The following TCF7L1 variants were observed in gnomAD, a reference collection of about 807,000 sequenced individuals.
The protein encoded by TCF7L1 is transcription factor 7-like 1.
TCF7L1 carries 18 observed loss-of-function variants against 63.7 expected under a neutral mutation model. The ratio of observed to expected loss-of-function variants is 0.28; its 90% confidence interval spans 0.20 to 0.42. The LOEUF is 0.42. Ranked by LOEUF, TCF7L1 falls within the 10% of genes least tolerant of loss-of-function variation. The pLI is 1.00. For synonymous variants in TCF7L1, 355 were observed against 340.9 expected, an observed-to-expected ratio of 1.04 and a Z score of -0.46; for missense variants, 654 against 779.3, an observed-to-expected ratio of 0.84 and a Z score of 1.91.
At chr2:85,228,067 A>T (rs982623561) in intron 3 of TCF7L1, among the ~76,000 whole-genome samples, 7 of 151,792 alleles carry the variant, frequency 4.6e-5, no homozygotes, top group Admixed American at 1.3e-4. Flanking sequence ...TCCATTCAAC[A>T]TTTAATCCTT....
chr2:85,183,175 A>G (rs1678843781), intron 3 of TCF7L1, among the ~76,000 whole-genome samples: 1 of 152,204 alleles, frequency 6.6e-6, no homozygotes, highest in African/African-American at 2.4e-5. Flanking sequence ...TTAACCTGGT[A>G]TCTGCCTGAA....
chr2:85,185,763 G>A (rs1348517749), intron 3 of TCF7L1, among the ~76,000 whole-genome samples: 2 of 152,046 alleles, frequency 1.3e-5, no homozygotes, highest in African/African-American at 2.4e-5. Flanking sequence ...CGCCTGTGGC[G>A]GGTTTTTGTG....
At chr2:85,240,475 G>C (rs1308519068) in intron 3 of TCF7L1, among the ~76,000 whole-genome samples, 1 of 152,114 alleles carries the variant, frequency 6.6e-6, no homozygotes, top group African/African-American at 2.4e-5. Flanking sequence ...GAAACACACA[G>C]ATGATAAAAC....
At position 85,219,940 on chromosome 2, in the gene TCF7L1, A is replaced by G. The variant is rs145113907; in HGVS notation, c.442-63555A>G. Among the ~76,000 whole-genome samples the G allele has an allele frequency of 2.2e-3, 341 of 152,348 alleles. 3 individuals are homozygous for G. Among genetic ancestry groups the G allele is most frequent in the African/African-American group, 8.0e-3 (334 of 41,596 alleles). ...AAAATTAAAATGTGTTTGTGTGAAT[A>G]CATACATAGGGGAGGGAGGTAAGCA... On this transcript the variant is annotated intron_variant, in intron 3 of 11. Transcript: ENST00000282111.
Position 85,306,734 on chromosome 2 carries a change from G to A in TCF7L1, c.1257+175G>A, listed in dbSNP as rs147102159. On this transcript the variant is annotated intron_variant, in intron 10 of 11. Transcript: ENST00000282111. The surrounding 1 kb of genome is among the most constrained non-coding windows in gnomAD (Gnocchi z 4.3). ...GGAGTGCATGCAGTGGCGCGATCTC[G>A]GCTCACTGCAAGCTCCGCCTCCCCG... Among the ~76,000 whole-genome samples, 588 of 152,104 alleles carry A rather than the reference G, an allele frequency of 3.9e-3. 5 individuals carry two copies. The highest frequency in any genetic ancestry group is 0.014 in the African/African-American group (564 of 41,492).
Position 85,134,460 on chromosome 2 carries a change from C to A in TCF7L1, c.441+10C>A, listed in dbSNP as rs368216306. 4.5e-5 allele frequency: 70 copies of A among 1,549,564 alleles called. 5 individuals are homozygous for A. Among genetic ancestry groups the A allele is most frequent in the African/African-American group, 4.2e-4 (31 of 73,100 alleles). ...CGGAGGAGCGCGCACCGTGAGTGCC[C>A]GTCGGGCGCGCCGGGGAGGGTGGGA... is the stretch of plus-strand genomic sequence containing the variant. On this transcript the variant is annotated intron_variant, in intron 3 of 11. Transcript: ENST00000282111. This position sits in a 1 kb window ranked among gnomAD's most constrained non-coding sequence, Gnocchi z 5.0.
intron 3 of TCF7L1, among the ~76,000 whole-genome samples, chr2:85,216,862 G>C (rs1378771874): frequency 6.6e-6 from 1 of 152,228 alleles, no homozygotes; most frequent in African/African-American, 2.4e-5. Context: ...GGCTTCTCAA[G>C]CTTGGAGAAG....
At chr2:85,236,159 C>T (rs1013316888) in intron 3 of TCF7L1, among the ~76,000 whole-genome samples, 19 of 137,726 alleles carry the variant, frequency 1.4e-4, no homozygotes, top group African/African-American at 6.3e-4. Context: ...TCTCAAACCA[C>T]GCCATCCCCC....
intron 6 of TCF7L1, 121 bp from the exon 7 acceptor site, chr2:85,304,134 C>G: frequency 5.6e-6 from 7 of 1,242,426 alleles, no homozygotes; most frequent in Non-Finnish European, 8.1e-6. Flanking sequence ...GCCCAGGCAG[C>G]GTGCTCCCAG....
At position 85,303,968 on chromosome 2, in the gene TCF7L1, C is replaced by A; in HGVS notation, c.732C>A (p.Ile244=). Residue 244 remains isoleucine (I), a synonymous_variant, in exon 6 of 12, where the codon ATC becomes ATA. Transcript: ENST00000282111. ...YPLSPGAVGQ[I]PHPLGWLVPQ... is the part of the protein sequence containing the mutation. ...TCTCTCCCGGAGCTGTCGGACAAAT[C>A]CCCCACCCCCTCGGCTGGCTCGTCC... 1 of 1,612,072 alleles carries A rather than the reference C, an allele frequency of 6.2e-7. No homozygotes were observed. Among genetic ancestry groups the A allele is most frequent in the Non-Finnish European group, 8.5e-7 (1 of 1,179,112 alleles).
chr2:85,222,713 A>G lies in TCF7L1; in HGVS notation c.442-60782A>G, dbSNP rs541292719. 4.5e-4 allele frequency among the ~76,000 whole-genome samples: 69 copies of G among 152,230 alleles called. 2 individuals are homozygous for G. Among genetic ancestry groups the G allele is most frequent in the African/African-American group, 1.6e-3 (68 of 41,550 alleles). On this transcript the variant is annotated intron_variant, in intron 3 of 11. Coordinates refer to ENST00000282111, the MANE Select transcript of TCF7L1 (RefSeq NM_031283.3). ...AAGATTAAAGGCTTTAAAAAAGAAT[A>G]AAAGACATAAATTGACCAATAGCAA...
At chr2:85,152,518 C>G (rs1394726668) in intron 3 of TCF7L1, among the ~76,000 whole-genome samples, 1 of 150,698 alleles carries the variant, frequency 6.6e-6, no homozygotes, top group African/African-American at 2.4e-5. Context: ...CACTGCAACC[C>G]CAGCCTCCCA....
At chr2:85,159,184 T>C (rs1678224140) in intron 3 of TCF7L1, among the ~76,000 whole-genome samples, 1 of 152,094 alleles carries the variant, frequency 6.6e-6, no homozygotes, top group Admixed American at 6.5e-5. Context: ...AGGAAACACT[T>C]CCTGGTGTTC....
chr2:85,246,970 A>C (rs967162954), intron 3 of TCF7L1, among the ~76,000 whole-genome samples: 2 of 152,118 alleles, frequency 1.3e-5, no homozygotes, highest in Non-Finnish European at 2.9e-5. Flanking sequence ...GGTACATTCC[A>C]CTGGAGTGGG....
chr2:85,304,643 G>A (rs747316673), intron 7 of TCF7L1, among the ~76,000 whole-genome samples: 4 of 152,214 alleles, frequency 2.6e-5, no homozygotes, highest in South Asian at 2.1e-4. Flanking sequence ...GGATGGAGCC[G>A]CGTCCTGATA....
chr2:85,133,951 C>T lies in TCF7L1; in HGVS notation c.249+18C>T, dbSNP rs2104172173. On this transcript the variant is annotated intron_variant, in intron 1 of 11. Transcript: ENST00000282111. This position sits in a 1 kb window ranked among gnomAD's most constrained non-coding sequence, Gnocchi z 4.4. ...ACTCGGAGGTAAGGAAGCACCGCGG[C>T]CACCCCCGGGGGATCCCGGCCCTGC... The T allele has an allele frequency of 6.4e-7, 1 of 1,553,796 alleles. No individual in the cohort carries two copies. Among genetic ancestry groups the T allele is most frequent in the South Asian group, 1.2e-5 (1 of 83,710 alleles).
rs1416838570 is a variant in TCF7L1 at position 85,133,762 on chromosome 2, C to G, written c.78C>G (p.Ala26=). 2.4e-5 allele frequency: 30 copies of G among 1,243,168 alleles called. No homozygotes were observed. The highest frequency in any genetic ancestry group is 2.8e-5 in the Non-Finnish European group (28 of 992,670). The allele number at this position is 1,243,168 out of a possible 1,614,324, so 77.0% of individuals were successfully genotyped here. A position where few individuals can be genotyped will look rare whatever the true frequency, so the allele number is the denominator to read the frequency against. Residue 26 remains alanine, a synonymous_variant, in exon 1 of 12, where the codon GCC becomes GCG. Coordinates refer to ENST00000282111, the MANE Select transcript of TCF7L1 (RefSeq NM_031283.3). The surrounding 1 kb of genome is among the most constrained non-coding windows in gnomAD (Gnocchi z 4.4). ...GCGGCGGCTCCAGCGCCGGGGCGGC[C>G]GGCGGAGGGGACGACCTCGGGGCGA... ...GGGGGSSAGA[A]GGGDDLGAND...
intron 3 of TCF7L1, among the ~76,000 whole-genome samples, chr2:85,181,825 A>G (rs1678809934): frequency 6.6e-6 from 1 of 152,168 alleles, no homozygotes; most frequent in African/African-American, 2.4e-5. Flanking sequence ...TTGACCATTA[A>G]GCAAGCATCG....
chr2:85,279,019 C>T (rs6736154), intron 3 of TCF7L1, among the ~76,000 whole-genome samples: 40,659 of 152,226 alleles, frequency 0.27, 5,864 homozygotes, highest in East Asian at 0.57. Context: ...TGGACCAGCC[C>T]GTGTACACAT....
Sources: allele counts gnomAD v4.1 joint callset (sites outside exome capture counted in the v4.1 genomes callset), GRCh38; gene constraint gnomAD v4.1.1; non-coding constraint Gnocchi (gnomAD v3.1); transcripts MANE v1.5; gene names NCBI Gene and HGNC (gene_info 2026-07-23, HGNC 2026-07-21).